Variants in H3-7 observed in about 807,000 individuals in gnomAD.
H3-7 encodes the protein H3.7 histone (putative).
chr1:143,904,173 AAAGAGC>A, the H3-7 span: 1 of 1,352,914 alleles, frequency 7.4e-7, no homozygotes, highest in African/African-American at 1.4e-5. Context: ...GTGGCTCTGA[AAAGAGC>A]CTTTGGGGTT....
chr1:143,902,727 A>G, the H3-7 span, among the ~76,000 whole-genome samples: 2 of 141,590 alleles, frequency 1.4e-5, no homozygotes, highest in Admixed American at 7.2e-5. Context: ...CCTTTCTCAG[A>G]ACATCTGTGA....
chr1:143,904,283 C>T, the H3-7 span: 7 of 1,586,172 alleles, frequency 4.4e-6, no homozygotes, highest in Middle Eastern at 1.7e-4. Context: ...CGTGCTTGGC[C>T]AGCTCGCCGG....
At chr1:143,902,642 C>A in the H3-7 span, among the ~76,000 whole-genome samples, 1,436 of 144,408 alleles carry the variant, frequency 9.9e-3, 102 homozygotes, top group South Asian at 0.035. Context: ...GAGAGGTCTT[C>A]AGAAATTCAC....
the H3-7 span, among the ~76,000 whole-genome samples, chr1:143,902,907 G>T: frequency 3.5e-5 from 5 of 143,606 alleles, no homozygotes; most frequent in Admixed American, 1.4e-4. Context: ...TTTAACAAGC[G>T]CAAGGCCGGG....
the H3-7 span, chr1:143,905,370 T>A: frequency 1.8e-6 from 1 of 565,242 alleles, no homozygotes; most frequent in South Asian, 2.2e-5. Context: ...TCTGCGGCTT[T>A]CTCTACTGCC....
chr1:143,904,317 T>G, the H3-7 span: 2 of 1,582,598 alleles, frequency 1.3e-6, no homozygotes, highest in South Asian at 2.3e-5. Context: ...CACGGCCGTC[T>G]GGATCTCGCG....
At chr1:143,904,721 C>T in the H3-7 span, 3 of 1,132,362 alleles carry the variant, frequency 2.6e-6, no homozygotes. Context: ...AAGTGCTGCG[C>T]TTTAATTGGT....
chr1:143,902,494 A>G, the H3-7 span, among the ~76,000 whole-genome samples: 2 of 141,050 alleles, frequency 1.4e-5, no homozygotes, highest in Non-Finnish European at 3.2e-5. Flanking sequence ...ATTTATCAAG[A>G]ATGGCTTAAT....
the H3-7 span, chr1:143,904,688 C>T: frequency 1.5e-5 from 21 of 1,429,752 alleles, no homozygotes; most frequent in African/African-American, 2.4e-4. Flanking sequence ...CTTATAGAGC[C>T]TGTATGCAAA....
the H3-7 span, chr1:143,905,443 T>C: frequency 3.4e-6 from 3 of 886,470 alleles, no homozygotes; most frequent in Non-Finnish European, 1.7e-6. Context: ...CCCTGGCCCC[T>C]GACCGCTGCG....
At chr1:143,904,424 C>T in the H3-7 span, 1 of 1,582,984 alleles carries the variant, frequency 6.3e-7, no homozygotes, top group Non-Finnish European at 8.6e-7. Flanking sequence ...TCATGATGCC[C>T]ATGGTCTTGG....
the H3-7 span, chr1:143,905,761 T>A: frequency 2.5e-6 from 4 of 1,582,116 alleles, no homozygotes; most frequent in South Asian, 1.1e-5. Context: ...TACCAGCCGC[T>A]GGAAGGGCAG....
the H3-7 span, chr1:143,904,514 G>T: frequency 6.2e-7 from 1 of 1,605,696 alleles, no homozygotes; most frequent in South Asian, 1.1e-5. Flanking sequence ...GGCTGCGCTT[G>T]CGCTTCTCGC....
chr1:143,904,269 A>C, the H3-7 span: 6 of 1,585,958 alleles, frequency 3.8e-6, no homozygotes, highest in Non-Finnish European at 5.2e-6. Context: ...GCCCTCGGAC[A>C]CGGCGTGCTT....
the H3-7 span, among the ~76,000 whole-genome samples, chr1:143,903,478 G>C: frequency 3.4e-5 from 1 of 29,096 alleles, no homozygotes; most frequent in Non-Finnish European, 6.7e-5. Flanking sequence ...CCCCCCAGAG[G>C]ACTGTCCTGT....
the H3-7 span, among the ~76,000 whole-genome samples, chr1:143,903,274 G>C: frequency 7.3e-4 from 81 of 111,526 alleles, 6 homozygotes; most frequent in Admixed American, 7.3e-3. Flanking sequence ...TGTCCTGGAG[G>C]AAGTATTTTC....
chr1:143,905,335 C>T, the H3-7 span, among the ~76,000 whole-genome samples: 39 of 141,904 alleles, frequency 2.7e-4, 2 homozygotes, highest in Admixed American at 2.2e-4. Flanking sequence ...TGAAAAGGCT[C>T]GGCCGGAACC....
the H3-7 span, among the ~76,000 whole-genome samples, chr1:143,902,423 C>G: frequency 1.4e-5 from 2 of 146,284 alleles, no homozygotes; most frequent in Admixed American, 1.4e-4. Context: ...TAAATTTGAA[C>G]TTCAACATCA....
At chr1:143,904,383 A>T in the H3-7 span, 7 of 1,582,774 alleles carry the variant, frequency 4.4e-6, 2 homozygotes, top group Non-Finnish European at 6.1e-6. Context: ...CTCTCCCGCG[A>T]TGCGCTCGAA....
Sources: gnomAD v4.1 joint callset for allele counts (sites outside exome capture counted in the v4.1 genomes callset) on GRCh38, gnomAD v4.1.1 for gene constraint, MANE v1.5 for transcripts, NCBI Gene and HGNC (gene_info 2026-07-23, HGNC 2026-07-21) for gene names.